TTC17: variants seen among roughly 807,000 people sequenced by gnomAD.
TTC17 encodes tetratricopeptide repeat protein 17.
In TTC17, 58 loss-of-function variants were observed where a neutral mutation model predicts 143.8. That is an observed-to-expected ratio of 0.40 (90% CI 0.33 to 0.50). TTC17 has a LOEUF of 0.50. TTC17 is among the 20% of genes least tolerant of loss of function. The pLI is 0.49. For synonymous variants in TTC17, 501 were observed against 497.8 expected, an observed-to-expected ratio of 1.01 and a Z score of -0.09; for missense variants, 1,273 against 1,392.5, an observed-to-expected ratio of 0.91 and a Z score of 1.37.
intron 15 of TTC17, among the ~76,000 whole-genome samples, chr11:43,411,337 A>G (rs952680507): frequency 6.6e-5 from 10 of 151,830 alleles, no homozygotes; most frequent in African/African-American, 2.4e-4. Flanking sequence ...AATATTCTTC[A>G]TTGCTTACTC....
In TTC17 at chr11:43,484,447, A is replaced by C. The variant is rs575328563; in HGVS notation, c.3031-5792A>C. Among the ~76,000 whole-genome samples, 9 of 152,314 alleles carry C rather than the reference A, an allele frequency of 5.9e-5. No individual in the cohort carries two copies. In the South Asian group the frequency reaches 1.2e-3, roughly 21 times the overall value. ...GCAAGAGATAAAACTTCTATTAAAA[A>C]CCATTTTAAACAATCTAAATAAATA... On this transcript the variant is annotated intron_variant, in intron 21 of 23. Coordinates refer to ENST00000039989, the MANE Select transcript of TTC17 (RefSeq NM_018259.6).
intron 21 of TTC17, among the ~76,000 whole-genome samples, chr11:43,460,926 C>T (rs1353804329): frequency 6.6e-6 from 1 of 152,210 alleles, no homozygotes; most frequent in South Asian, 2.1e-4. Flanking sequence ...CTACTTCATC[C>T]ATGCTGCCTT....
At chr11:43,397,705 TA>T (rs1042311679) in intron 7 of TTC17, among the ~76,000 whole-genome samples, 2 of 152,130 alleles carry the variant, frequency 1.3e-5, no homozygotes, top group African/African-American at 4.8e-5. Context: ...ATTGGAATTT[TA>T]AACTTCTACA....
chr11:43,389,618 A>G (rs1219835099), intron 2 of TTC17, 34 bp from the exon 3 acceptor site: 1 of 1,561,484 alleles, frequency 6.4e-7, no homozygotes, highest in Non-Finnish European at 8.6e-7. Flanking sequence ...AAATATTAGA[A>G]GAATCCATTC....
chr11:43,463,998 G>A (rs1262160496), intron 21 of TTC17, among the ~76,000 whole-genome samples: 1 of 152,176 alleles, frequency 6.6e-6, no homozygotes, highest in East Asian at 1.9e-4. Flanking sequence ...CCATTCCACG[G>A]GGCGTGGTGG....
intron 18 of TTC17, 49 bp from the exon 19 acceptor site, chr11:43,447,953 G>T (rs1947580495): frequency 1.2e-6 from 2 of 1,603,022 alleles, no homozygotes; most frequent in Non-Finnish European, 1.7e-6. Flanking sequence ...GGCCCTTTGG[G>T]TTCTCTTCCT....
At chr11:43,468,269 G>A (rs1948019742) in intron 21 of TTC17, 1 of 152,090 alleles carries the variant, frequency 6.6e-6, no homozygotes, top group Non-Finnish European at 1.5e-5. Flanking sequence ...AGCAAATAAA[G>A]TAATCATTAT....
Position 43,379,214 on chromosome 11 carries a change from A to G in TTC17, c.160-19A>G. ...CATTAATGAAATCCGAGCTTTATTTATTTATTGCTTGCTTGCAGGTGGATT... is the reference window on the plus strand; with the variant it reads ...CATTAATGAAATCCGAGCTTTATTTGTTTATTGCTTGCTTGCAGGTGGATT... On this transcript the variant is annotated intron_variant, in intron 1 of 23. Coordinates refer to ENST00000039989, the MANE Select transcript of TTC17 (RefSeq NM_018259.6). The G allele has an allele frequency of 3.7e-6, 6 of 1,607,292 alleles. No homozygotes were observed. Among genetic ancestry groups the G allele is most frequent in the Non-Finnish European group, 4.3e-6 (5 of 1,176,018 alleles).
At chr11:43,430,118 A>C (rs1171281710) in intron 16 of TTC17, among the ~76,000 whole-genome samples, 1 of 152,224 alleles carries the variant, frequency 6.6e-6, no homozygotes, top group African/African-American at 2.4e-5. Context: ...GGAAGCTTCG[A>C]CTGAAGCAAG....
chr11:43,437,707 A>C (rs1270812065), intron 16 of TTC17, among the ~76,000 whole-genome samples: 1 of 152,220 alleles, frequency 6.6e-6, no homozygotes, highest in African/African-American at 2.4e-5. Flanking sequence ...ACAAATGTAG[A>C]TATAATTGCA....
chr11:43,364,047 CTTTT>C (rs71308379), intron 1 of TTC17, among the ~76,000 whole-genome samples: 1 of 94,458 alleles, frequency 1.1e-5, no homozygotes, highest in South Asian at 3.5e-4. Flanking sequence ...TACAGATCCT[CTTTT>C]TTTTTTTTTT....
chr11:43,412,981 GACACACACACACACACACACACAC>G (rs57982323), intron 15 of TTC17, among the ~76,000 whole-genome samples: 8 of 140,482 alleles, frequency 5.7e-5, no homozygotes, highest in East Asian at 2.0e-4. Flanking sequence ...ACCTAGAATA[GACACACACACACACACACACACAC>G]ACACACACAC....
rs773976838 is a variant in TTC17 at position 43,389,737 on chromosome 11, C to T, written c.335C>T (p.Pro112Leu). ...GAACAGAGACATAATAAAGAAGACC[C>T]AGACTGCATCAAAGCCAAGGTGCCC... The part of the protein sequence containing the change: ...GLEQRHNKED[P>L]DCIKAKVPLG... Residue 112 changes from proline (P) to leucine (L), a missense_variant, in exon 3 of 24, where the codon CCA becomes CTA. By Grantham distance (98) the Pro-to-Leu change is moderately conservative. Transcript: ENST00000039989. The T allele has an allele frequency of 6.2e-7, 1 of 1,614,026 alleles. No individual in the cohort carries two copies. The highest frequency in any genetic ancestry group is 1.3e-5 in the African/African-American group (1 of 75,034).
At chr11:43,469,655 A>G (rs748005042) in intron 21 of TTC17, among the ~76,000 whole-genome samples, 2 of 152,246 alleles carry the variant, frequency 1.3e-5, no homozygotes, top group African/African-American at 2.4e-5. Context: ...GAAATAACAT[A>G]TAGGGATAGA....
In TTC17 at chr11:43,447,851, TTAGATCA is replaced by T. The variant is rs1286936932; in HGVS notation, c.2666-145_2666-139del. 1.8e-5 allele frequency: 16 copies of T among 896,154 alleles called. No homozygotes were observed. The African/African-American group carries it at 2.5e-4, about 14-fold the overall frequency. The allele number at this position is 896,154 out of a possible 1,614,324, so 55.5% of individuals were successfully genotyped here. A position where few individuals can be genotyped will look rare whatever the true frequency, so the allele number is the denominator to read the frequency against. ...CCATTGCATAATGACGAGATTTTAATTAGATCATAGATGGGGGAAATGTTAAAGACTA... is the reference window on the plus strand; with the variant it reads ...CCATTGCATAATGACGAGATTTTAATTAGATGGGGGAAATGTTAAAGACTA... On this transcript the variant is annotated intron_variant, in intron 18 of 23. Transcript: ENST00000039989.
At chr11:43,441,275 C>G in intron 16 of TTC17, among the ~76,000 whole-genome samples, 1 of 131,066 alleles carries the variant, frequency 7.6e-6, no homozygotes, top group East Asian at 2.2e-4. Flanking sequence ...GACTCTATCT[C>G]AAAAAAAAAA....
intron 16 of TTC17, among the ~76,000 whole-genome samples, chr11:43,437,370 T>C (rs182696084): frequency 1.5e-4 from 23 of 152,314 alleles, no homozygotes; most frequent in African/African-American, 5.1e-4. Flanking sequence ...GCCTACACTA[T>C]TGCAGTAGCG....
intron 21 of TTC17, among the ~76,000 whole-genome samples, chr11:43,461,113 G>A (rs1305209474): frequency 1.3e-5 from 2 of 151,992 alleles, no homozygotes; most frequent in African/African-American, 2.4e-5. Flanking sequence ...GGCCGGGCGC[G>A]GTGGCTCACG....
chr11:43,447,890 T>A lies in TTC17; in HGVS notation c.2666-112T>A. Reference sequence around the variant, plus strand: ...GGGGAAATGTTAAAGACTACAGGAATGACTAGCACCTCCAAATACACCAAT... The same window carrying A: ...GGGGAAATGTTAAAGACTACAGGAAAGACTAGCACCTCCAAATACACCAAT... On this transcript the variant is annotated intron_variant, in intron 18 of 23. Transcript: ENST00000039989. 4.5e-6 allele frequency: 6 copies of A among 1,342,294 alleles called. No individual in the cohort carries two copies. In the South Asian group the frequency reaches 8.5e-5, roughly 19 times the overall value. 83.1% of individuals were successfully genotyped at this position (1,342,294 alleles called of 1,614,324 possible).
Sources: gnomAD v4.1 joint callset for allele counts (sites outside exome capture counted in the v4.1 genomes callset) on GRCh38, gnomAD v4.1.1 for gene constraint, MANE v1.5 for transcripts, NCBI Gene and HGNC (gene_info 2026-07-23, HGNC 2026-07-21) for gene names.